ZBTB25: variants seen among roughly 807,000 people sequenced by gnomAD.
ZBTB25 encodes the protein zinc finger and BTB domain-containing protein 25.
Under a neutral mutation model 34.2 loss-of-function variants are expected in ZBTB25, and 20 were observed. The observed-to-expected ratio is 0.58, with a 90% CI of 0.41 to 0.85. The LOEUF (loss-of-function observed/expected upper bound fraction) is 0.85. Among genes scored for constraint, ZBTB25 ranks in the 40% least tolerant of loss-of-function variants. ZBTB25 has a pLI of 0.00. For missense variants in ZBTB25, 437 were observed against 521.8 expected, an observed-to-expected ratio of 0.84 and a Z score of 1.58; for synonymous variants, 175 against 186.4, an observed-to-expected ratio of 0.94 and a Z score of 0.50.
chr14:64,491,127 A>G (rs1207259369), intron 1 of ZBTB25, among the ~76,000 whole-genome samples: 1 of 152,136 alleles, frequency 6.6e-6, no homozygotes, highest in African/African-American at 2.4e-5. Flanking sequence ...CTTAAAATAG[A>G]TGTCAAGCCA....
chr14:64,476,714 T>C (rs1296222592), downstream of ZBTB25, among the ~76,000 whole-genome samples: 2 of 151,884 alleles, frequency 1.3e-5, no homozygotes, highest in Non-Finnish European at 2.9e-5. Flanking sequence ...GCCAAAACAA[T>C]TGGTCACGAC....
At chr14:64,452,854 A>T (rs1044874661) in intron 2 of ZBTB25, among the ~76,000 whole-genome samples, 18 of 151,994 alleles carry the variant, frequency 1.2e-4, no homozygotes, top group Non-Finnish European at 1.9e-4. Context: ...ATTAGAATAG[A>T]ACATCTACTT....
At chr14:64,469,474 G>A (rs749170309) in intron 2 of ZBTB25, 2 of 1,613,258 alleles carry the variant, frequency 1.2e-6, no homozygotes, top group East Asian at 4.5e-5. Context: ...ATGTCCCTAA[G>A]CAATTCTTAA....
chr14:64,494,432 A>C (rs1339882666), intron 1 of ZBTB25, among the ~76,000 whole-genome samples: 1 of 152,220 alleles, frequency 6.6e-6, no homozygotes, highest in Non-Finnish European at 1.5e-5. Context: ...CAGGAGTTTG[A>C]GACCAACCTG....
intron 1 of ZBTB25, among the ~76,000 whole-genome samples, chr14:64,491,115 C>T (rs1000535342): frequency 6.6e-6 from 1 of 152,126 alleles, no homozygotes; most frequent in African/African-American, 2.4e-5. Context: ...AGCTCAGGAA[C>T]TCTTAAAATA....
chr14:64,500,547 CAGCACTTTAGG>C (rs2079455216), intron 1 of ZBTB25, among the ~76,000 whole-genome samples: 1 of 149,794 alleles, frequency 6.7e-6, no homozygotes. Flanking sequence ...CCTATAATCC[CAGCACTTTAGG>C]AGGCCGAGGA....
At chr14:64,496,700 G>A (rs1311426590) in intron 1 of ZBTB25, among the ~76,000 whole-genome samples, 1 of 152,092 alleles carries the variant, frequency 6.6e-6, no homozygotes, top group Non-Finnish European at 1.5e-5. Flanking sequence ...TTTAATATCT[G>A]GCTTTAACAG....
At chr14:64,468,654 C>T in intron 2 of ZBTB25, 1 of 1,613,970 alleles carries the variant, frequency 6.2e-7, no homozygotes, top group East Asian at 2.2e-5. Context: ...CGTCTTGTAA[C>T]ACGCAGGAAA....
At position 64,478,085 on chromosome 14, in the gene ZBTB25, A is replaced by G. The variant is rs984835993; in HGVS notation, c.*8838T>C. 6 of 152,270 alleles carry G rather than the reference A, an allele frequency of 3.9e-5. No homozygotes were observed. The highest frequency in any genetic ancestry group is 2.0e-4 in the Admixed American group (3 of 15,290). The allele number at this position is 152,270 out of a possible 1,614,324, so 9.4% of individuals were successfully genotyped here. A position where few individuals can be genotyped will look rare whatever the true frequency, so the allele number is the denominator to read the frequency against. On this transcript the variant is annotated 3_prime_UTR_variant, in exon 3 of 3. Transcript: ENST00000608382. ...CTTAATACTTTATTATTTTGATACA[A>G]TATCACCAAATTGTTTCAATGAAAA...
intron 1 of ZBTB25, among the ~76,000 whole-genome samples, chr14:64,491,619 G>T (rs138445319): frequency 6.6e-6 from 1 of 152,232 alleles, no homozygotes; most frequent in African/African-American, 2.4e-5. Flanking sequence ...CCAAGAAGCC[G>T]AGTATAAGCA....
Position 64,484,936 on chromosome 14 carries a change from A to G in ZBTB25, c.*1987T>C. 1.1e-6 allele frequency: 1 copy of G among 941,360 alleles called. No individual in the cohort carries two copies. Among genetic ancestry groups the G allele is most frequent in the Non-Finnish European group, 1.3e-6 (1 of 789,956 alleles). The allele number at this position is 941,360 out of a possible 1,614,324, so 58.3% of individuals were successfully genotyped here. A position where few individuals can be genotyped will look rare whatever the true frequency, so the allele number is the denominator to read the frequency against. Reference sequence around the variant, plus strand: ...TAGAAAAAAGTTTAAGATTAGACAAAGTTCTGACCCCAAAGAACATACATT... The same window carrying G: ...TAGAAAAAAGTTTAAGATTAGACAAGGTTCTGACCCCAAAGAACATACATT... On this transcript the variant is annotated 3_prime_UTR_variant, in exon 3 of 3. Coordinates refer to ENST00000608382, the MANE Select transcript of ZBTB25 (RefSeq NM_006977.5).
chr14:64,493,085 G>A (rs529573178), intron 1 of ZBTB25, among the ~76,000 whole-genome samples: 15 of 152,112 alleles, frequency 9.9e-5, no homozygotes, highest in Non-Finnish European at 2.1e-4. Flanking sequence ...GATTCAGCTT[G>A]GCATAGAAAA....
intron 2 of ZBTB25, chr14:64,469,460 A>G (rs756230222): frequency 2.5e-5 from 41 of 1,612,982 alleles, no homozygotes; most frequent in Non-Finnish European, 3.4e-5. Context: ...TACAAAATCT[A>G]AAAATGTCCC....
At position 64,487,711 on chromosome 14, in the gene ZBTB25, T is replaced by C. The variant is rs145365297; in HGVS notation, c.520A>G (p.Ile174Val). Residue 174 changes from isoleucine to valine, a missense_variant, in exon 3 of 3, where the codon ATT becomes GTT. Ile to Val is a conservative substitution (Grantham distance 29). Transcript: ENST00000608382. ...DHPQLQLSLA[I>V]GLDDGTADQQ... is the part of the protein sequence containing the mutation. ...TCTGCAGTGCCATCATCCAGACCAA[T>C]AGCAAGAGACAACTGCAACTGGGGG... 245 of 1,613,548 alleles carry C rather than the reference T, an allele frequency of 1.5e-4. No homozygotes were observed. Among genetic ancestry groups the C allele is most frequent in the Middle Eastern group, 1.3e-3 (8 of 6,058 alleles).
At chr14:64,499,226 A>T (rs1306841832) in intron 1 of ZBTB25, among the ~76,000 whole-genome samples, 1 of 152,170 alleles carries the variant, frequency 6.6e-6, no homozygotes, top group East Asian at 1.9e-4. Context: ...ATGAACAAAT[A>T]TAAACAACTG....
chr14:64,476,306 A>G (rs899955878), downstream of ZBTB25, among the ~76,000 whole-genome samples: 14 of 152,358 alleles, frequency 9.2e-5, no homozygotes, highest in African/African-American at 3.4e-4. Context: ...CTGTTTAAAC[A>G]GGTCTTCCAA....
chr14:64,456,121 A>G (rs948481838), intron 2 of ZBTB25, among the ~76,000 whole-genome samples: 4 of 152,254 alleles, frequency 2.6e-5, no homozygotes, highest in African/African-American at 9.6e-5. Flanking sequence ...CACATGAAGA[A>G]AAGGGTAACA....
At position 64,501,713 on chromosome 14, in the gene ZBTB25, G is replaced by A. The variant is rs571454884; in HGVS notation, c.-8+1948C>T. Reference sequence around the variant, plus strand: ...AATCACTTTGGTTCAGTGGTGGGGAGGACATTATGCAACACTTCCCAGCAC... The same window carrying A: ...AATCACTTTGGTTCAGTGGTGGGGAAGACATTATGCAACACTTCCCAGCAC... On this transcript the variant is annotated intron_variant, in intron 1 of 2. Coordinates refer to ENST00000608382, the MANE Select transcript of ZBTB25 (RefSeq NM_006977.5). Among the ~76,000 whole-genome samples the A allele has an allele frequency of 3.3e-4, 50 of 152,334 alleles. 1 individual carries two copies. Among genetic ancestry groups the A allele is most frequent in the African/African-American group, 1.2e-3 (49 of 41,582 alleles).
chr14:64,503,680 C>T lies in ZBTB25; in HGVS notation c.-27G>A. 1.1e-6 allele frequency: 1 copy of T among 900,582 alleles called. No individual in the cohort carries two copies. Among genetic ancestry groups the T allele is most frequent in the East Asian group, 1.2e-4 (1 of 8,354 alleles). 55.8% of individuals were successfully genotyped at this position (900,582 alleles called of 1,614,324 possible). ...GCTTACCCAGATGCCGCCGCGGCGGCAGGCCGACTCCTCCGTGCAGGAGGG... is the reference window on the plus strand; with the variant it reads ...GCTTACCCAGATGCCGCCGCGGCGGTAGGCCGACTCCTCCGTGCAGGAGGG... On this transcript the variant is annotated 5_prime_UTR_variant, in exon 1 of 3. Coordinates refer to ENST00000608382, the MANE Select transcript of ZBTB25 (RefSeq NM_006977.5).
Sources: allele counts gnomAD v4.1 joint callset (sites outside exome capture counted in the v4.1 genomes callset), GRCh38; gene constraint gnomAD v4.1.1; transcripts MANE v1.5; gene names NCBI Gene and HGNC (gene_info 2026-07-23, HGNC 2026-07-21).